NHS: variants seen among roughly 807,000 people sequenced by gnomAD.
NHS encodes the protein actin remodeling regulator NHS.
In NHS, 5 loss-of-function variants were observed where a neutral mutation model predicts 72.5. The observed-to-expected ratio is 0.07, with a 90% CI of 0.04 to 0.14. NHS has a LOEUF of 0.14. Ranked by LOEUF, NHS falls within the 10% of genes least tolerant of loss-of-function variation. The probability of loss-of-function intolerance (pLI) is 1.00; values close to 1 mark genes in which losing one functional copy is unlikely to be tolerated. For missense variants in NHS, 1,072 were observed against 1,355.7 expected, an observed-to-expected ratio of 0.79 and a Z score of 3.29; for synonymous variants, 464 against 547.7, an observed-to-expected ratio of 0.85 and a Z score of 2.13.
At chrX:17,687,940 G>A (rs1453687275) in intron 2 of NHS, 46 bp downstream of exon 2, 2 of 1,176,405 alleles carry the variant, frequency 1.7e-6, no homozygotes, top group Admixed American at 4.7e-5. Context: ...ACAACTCGGA[G>A]GTTGTCCCAT....
intron 1 of NHS, among the ~76,000 whole-genome samples, chrX:17,470,340 G>A (rs1327280333): frequency 1.8e-5 from 2 of 111,003 alleles, no homozygotes; most frequent in Non-Finnish European, 3.8e-5. Flanking sequence ...ACTGTCAAGG[G>A]CCTACATGAG....
intron 1 of NHS, chrX:17,635,707 T>A: frequency 1.2e-6 from 1 of 821,082 alleles, no homozygotes; most frequent in Non-Finnish European, 1.7e-6. Context: ...GGAGAGAAGA[T>A]AACTATGTTT....
rs1052980908 is a variant in NHS, at chrX:17,672,469, A to G, written c.566-15273A>G. ...ACCCAACTGCAAGGAAGGCTGGGAA[A>G]TATAGTTTAGCTTTGTGCCCAGAAA... is the stretch of plus-strand genomic sequence containing the variant. On this transcript the variant is annotated intron_variant, in intron 1 of 8. Transcript: ENST00000676302. Among the ~76,000 whole-genome samples, 5 of 112,679 alleles carry G rather than the reference A, an allele frequency of 4.4e-5. No individual in the cohort carries two copies. In the Admixed American group the frequency reaches 4.7e-4, roughly 11 times the overall value.
intron 1 of NHS, among the ~76,000 whole-genome samples, chrX:17,379,783 T>G (rs1324223739): frequency 8.9e-6 from 1 of 111,899 alleles, no homozygotes; most frequent in South Asian, 3.8e-4. Flanking sequence ...CTCAAAATAA[T>G]AGTAATAATA....
chrX:17,416,937 A>G (rs1017886065), intron 1 of NHS, among the ~76,000 whole-genome samples: 1 of 111,127 alleles, frequency 9.0e-6, no homozygotes, highest in African/African-American at 3.3e-5. Context: ...TTTTCTTTCA[A>G]TGAGCCTTGT....
chrX:17,570,291 C>T, intron 1 of NHS, among the ~76,000 whole-genome samples: 1 of 112,291 alleles, frequency 8.9e-6, no homozygotes, highest in Non-Finnish European at 1.9e-5. Context: ...ATTGATTCTT[C>T]CTATCCATGA....
intron 8 of NHS, among the ~76,000 whole-genome samples, chrX:17,731,122 A>C (rs563295111): frequency 7.3e-5 from 8 of 110,127 alleles, no homozygotes; most frequent in South Asian, 7.7e-4. Flanking sequence ...CAGACATCAG[A>C]TCATTTCATC....
At chrX:17,624,014 C>T (rs773260306) in intron 1 of NHS, among the ~76,000 whole-genome samples, 31 of 113,091 alleles carry the variant, frequency 2.7e-4, no homozygotes, top group Non-Finnish European at 4.9e-4. Context: ...AGGCAGCCAG[C>T]TTCAACGTGT....
chrX:17,562,028 G>A (rs1470797981), intron 1 of NHS, among the ~76,000 whole-genome samples: 2 of 110,643 alleles, frequency 1.8e-5, no homozygotes, highest in Non-Finnish European at 3.8e-5. Flanking sequence ...TCCTTAGTAC[G>A]TGTGTATGTG....
At chrX:17,636,959 G>T (rs2065852207) in intron 1 of NHS, among the ~76,000 whole-genome samples, 1 of 111,732 alleles carries the variant, frequency 8.9e-6, no homozygotes, top group African/African-American at 3.3e-5. Flanking sequence ...TGATGGGCAG[G>T]CCAATTATAA....
chrX:17,687,676 C>T, intron 1 of NHS, 66 bp from the exon 2 acceptor site: 1 of 1,171,095 alleles, frequency 8.5e-7, no homozygotes, highest in South Asian at 1.8e-5. Flanking sequence ...TCTTCCCCAC[C>T]CCAGGGTTGG....
chrX:17,542,278 C>T (rs7890179), intron 1 of NHS, among the ~76,000 whole-genome samples: 2,400 of 113,326 alleles, frequency 0.021, 66 homozygotes, highest in African/African-American at 0.073. Flanking sequence ...GCCTGCTCTC[C>T]GGTTGCAGAG....
intron 1 of NHS, among the ~76,000 whole-genome samples, chrX:17,547,250 A>C (rs1304641502): frequency 8.9e-6 from 1 of 112,637 alleles, no homozygotes; most frequent in Non-Finnish European, 1.9e-5. Flanking sequence ...CCAGTCACAA[A>C]CAACCAGACA....
At chrX:17,654,188 C>A (rs1183783071) in intron 1 of NHS, among the ~76,000 whole-genome samples, 2 of 112,161 alleles carry the variant, frequency 1.8e-5, no homozygotes, top group East Asian at 5.6e-4. Flanking sequence ...GCCCTTCCCC[C>A]CTTCCATCCT....
chrX:17,620,328 A>G (rs1002880218), intron 1 of NHS, among the ~76,000 whole-genome samples: 1 of 112,101 alleles, frequency 8.9e-6, no homozygotes, highest in Admixed American at 9.5e-5. Flanking sequence ...CAAATTCCTT[A>G]ACAAAAACGT....
chrX:17,677,298 A>G (rs1375183223), intron 1 of NHS, among the ~76,000 whole-genome samples: 1 of 112,225 alleles, frequency 8.9e-6, no homozygotes. Flanking sequence ...ACATTTTGAC[A>G]AGAACAATTA....
intron 2 of NHS, among the ~76,000 whole-genome samples, chrX:17,689,461 T>C (rs1194641854): frequency 8.9e-6 from 1 of 111,799 alleles, no homozygotes; most frequent in Non-Finnish European, 1.9e-5. Flanking sequence ...ACACTTGCCA[T>C]TCCTTTGCAG....
At chrX:17,427,767 G>C (rs2064664898) in intron 1 of NHS, among the ~76,000 whole-genome samples, 1 of 112,753 alleles carries the variant, frequency 8.9e-6, no homozygotes, top group Non-Finnish European at 1.9e-5. Context: ...ATCTTTTCTT[G>C]TTGGAATACT....
chrX:17,678,306 G>C (rs2066099105), intron 1 of NHS, among the ~76,000 whole-genome samples: 1 of 109,215 alleles, frequency 9.2e-6, no homozygotes, highest in Non-Finnish European at 1.9e-5. Flanking sequence ...GAGAGAGAGA[G>C]AGAGAGAGAG....
Sources: gnomAD v4.1 joint callset for allele counts (sites outside exome capture counted in the v4.1 genomes callset) on GRCh38, gnomAD v4.1.1 for gene constraint, MANE v1.5 for transcripts, NCBI Gene and HGNC (gene_info 2026-07-23, HGNC 2026-07-21) for gene names.